The following PITRM1 variants were observed in gnomAD, a reference collection of about 807,000 sequenced individuals.
PITRM1 encodes the protein presequence protease, mitochondrial.
A neutral mutation model predicts 129.9 loss-of-function variants in PITRM1; 100 were observed. The observed-to-expected ratio is 0.77, with a 90% CI of 0.65 to 0.91. The LOEUF (loss-of-function observed/expected upper bound fraction) is 0.91. Ranked by LOEUF, PITRM1 falls within the 40% of genes least tolerant of loss-of-function variation. The pLI is 0.00. For synonymous variants in PITRM1, 591 were observed against 508.8 expected, an observed-to-expected ratio of 1.16 and a Z score of -2.17; for missense variants, 1,471 against 1,318.3, an observed-to-expected ratio of 1.12 and a Z score of -1.79.
At chr10:3,170,240 C>A (rs937624036) in intron 1 of PITRM1, 34 bp from the exon 2 acceptor site, 2 of 1,483,096 alleles carry the variant, frequency 1.3e-6, no homozygotes, top group Non-Finnish European at 1.9e-6. Flanking sequence ...AGATGAGTTG[C>A]AGGAAAAGTA....
intron 23 of PITRM1, 74 bp downstream of exon 23, chr10:3,143,315 T>C (rs1840455476): frequency 7.5e-6 from 7 of 938,938 alleles, no homozygotes; most frequent in South Asian, 5.4e-5. Context: ...AAACACGCCC[T>C]GTGAACTCGA....
At chr10:3,138,582 T>A in intron 25 of PITRM1, 1 of 602,966 alleles carries the variant, frequency 1.7e-6, no homozygotes, top group East Asian at 2.8e-5. Context: ...AGGCTGATGA[T>A]GCTGTGAGCA....
In PITRM1 at chr10:3,160,469, A is replaced by T. The variant is rs567494655; in HGVS notation, c.792-139T>A. On this transcript the variant is annotated intron_variant, in intron 7 of 26. Transcript: ENST00000224949. ...TTTCGGTTTCAGTCACCCTTACTCA[A>T]CCAAGGTCCAAAAATATCACGGTAC... 11 of 653,016 alleles carry T rather than the reference A, an allele frequency of 1.7e-5. No homozygotes were observed. The Admixed American group carries it at 2.0e-4, about 12-fold the overall frequency. 40.5% of individuals were successfully genotyped at this position (653,016 alleles called of 1,614,324 possible). A position where few individuals can be genotyped will look rare whatever the true frequency, so the allele number is the denominator to read the frequency against.
rs1382765168 is a variant in PITRM1 at position 3,138,341 on chromosome 10, G to A, written c.2918-4C>T. The A allele has an allele frequency of 2.5e-6, 4 of 1,607,984 alleles. No individual in the cohort carries two copies. Among genetic ancestry groups the A allele is most frequent in the African/African-American group, 1.3e-5 (1 of 74,924 alleles). Reference sequence around the variant, plus strand: ...CCGTACAAGAAGTGGTCCATTCCTAGAAGACAATCCACAGGCACGATGGAG... The same window carrying A: ...CCGTACAAGAAGTGGTCCATTCCTAAAAGACAATCCACAGGCACGATGGAG... On this transcript the variant is annotated splice_polypyrimidine_tract_variant and splice_region_variant and intron_variant, in intron 25 of 26. Coordinates refer to ENST00000224949, the MANE Select transcript of PITRM1 (RefSeq NM_014889.4).
intron 2 of PITRM1, among the ~76,000 whole-genome samples, 188 bp downstream of exon 2, chr10:3,169,916 G>T (rs905975729): frequency 6.6e-6 from 1 of 152,220 alleles, no homozygotes. Context: ...TCCAGGAAGG[G>T]ACTGGGGCTC....
chr10:3,165,978 G>A (rs1480362956), intron 4 of PITRM1, among the ~76,000 whole-genome samples: 1 of 152,170 alleles, frequency 6.6e-6, no homozygotes, highest in Non-Finnish European at 1.5e-5. Flanking sequence ...ATATCTCCAA[G>A]AGAAAATTGT....
At position 3,157,467 on chromosome 10, in the gene PITRM1, G is replaced by A; in HGVS notation, c.1315C>T (p.Gln439Ter). ...AGCATCAGCCCAAAGCTGGTAGACTGATGTTTCATCTGTATTTCAATTTTA... is the reference window on the plus strand; with the variant it reads ...AGCATCAGCCCAAAGCTGGTAGACTAATGTTTCATCTGTATTTCAATTTTA... The part of the protein sequence containing the change: ...LHKIEIQMKH[Q>*]STSFGLMLTS... Residue 439 changes from glutamine to a stop codon, truncating the protein, a stop_gained, in exon 12 of 27, where the codon CAG becomes TAG. Transcript: ENST00000224949. LOFTEE classifies it high-confidence loss of function. 6.2e-7 allele frequency: 1 copy of A among 1,610,796 alleles called. No individual in the cohort carries two copies. Among genetic ancestry groups the A allele is most frequent in the Non-Finnish European group, 8.5e-7 (1 of 1,178,168 alleles).
At chr10:3,171,816 A>C (rs1393457523) in intron 1 of PITRM1, among the ~76,000 whole-genome samples, 1 of 152,146 alleles carries the variant, frequency 6.6e-6, no homozygotes, top group Non-Finnish European at 1.5e-5. Flanking sequence ...GAGGAGGGGG[A>C]TCAAACCAGC....
chr10:3,155,864 A>C, intron 13 of PITRM1, 135 bp from the exon 14 acceptor site: 1 of 965,972 alleles, frequency 1.0e-6, no homozygotes, highest in Non-Finnish European at 1.5e-6. Context: ...TAATAATAGA[A>C]CGCACCTCAA....
At chr10:3,166,493 C>T in intron 3 of PITRM1, 113 bp from the exon 4 acceptor site, 1 of 481,572 alleles carries the variant, frequency 2.1e-6, no homozygotes, top group South Asian at 3.5e-5. Context: ...ACACCACAAT[C>T]CTCCAGCACA....
At chr10:3,148,361 T>C in intron 16 of PITRM1, 70 bp from the exon 17 acceptor site, 1 of 1,509,768 alleles carries the variant, frequency 6.6e-7, no homozygotes, top group East Asian at 2.3e-5. Flanking sequence ...AAATCGTGCA[T>C]CTTGAGTTAC....
At chr10:3,155,877 G>A (rs1841936676) in intron 13 of PITRM1, 148 bp from the exon 14 acceptor site, 1 of 887,052 alleles carries the variant, frequency 1.1e-6, no homozygotes. Flanking sequence ...CACCTCAAGA[G>A]TTGTTTTGCT....
At chr10:3,171,182 A>AAAAAAAAAAAAAAAAAAAAT (rs1843322967) in intron 1 of PITRM1, among the ~76,000 whole-genome samples, 2 of 147,238 alleles carry the variant, frequency 1.4e-5, no homozygotes, top group Admixed American at 6.8e-5. Flanking sequence ...AAAAAAAAAA[A>AAAAAAAAAAAAAAAAAAAAT]AACCTTACCA....
chr10:3,162,540 G>A (rs183324937), intron 7 of PITRM1, among the ~76,000 whole-genome samples: 2 of 152,340 alleles, frequency 1.3e-5, no homozygotes, highest in East Asian at 3.9e-4. Flanking sequence ...CAAGGCAGTG[G>A]CTGACTCTCA....
At chr10:3,145,242 C>T (rs1840729416) in intron 21 of PITRM1, 1 of 236,334 alleles carries the variant, frequency 4.2e-6, no homozygotes, top group Admixed American at 5.1e-5. Context: ...ATGTCAAATC[C>T]ATGGATTCAT....
intron 20 of PITRM1, chr10:3,146,891 C>A: frequency 3.7e-6 from 1 of 273,122 alleles, no homozygotes; most frequent in Non-Finnish European, 6.9e-6. Flanking sequence ...GGACCATGTG[C>A]TTTTGGAAGC....
chr10:3,171,992 A>G (rs1843409006), intron 1 of PITRM1, among the ~76,000 whole-genome samples: 1 of 152,264 alleles, frequency 6.6e-6, no homozygotes, highest in African/African-American at 2.4e-5. Context: ...CACTGGCAAT[A>G]TTATGAAGAT....
chr10:3,166,859 C>A, intron 3 of PITRM1, 77 bp downstream of exon 3: 1 of 829,930 alleles, frequency 1.2e-6, no homozygotes, highest in Admixed American at 2.6e-5. Context: ...CATTGTGGCA[C>A]AGGGAAGCCA....
intron 22 of PITRM1, chr10:3,143,951 G>A: frequency 5.8e-6 from 3 of 517,664 alleles, no homozygotes; most frequent in Non-Finnish European, 1.1e-5. Context: ...CGCTCCACTG[G>A]CATCGACTCA....
Sources: gnomAD v4.1 joint callset for allele counts (sites outside exome capture counted in the v4.1 genomes callset) on GRCh38, gnomAD v4.1.1 for gene constraint, MANE v1.5 for transcripts, NCBI Gene and HGNC (gene_info 2026-07-23, HGNC 2026-07-21) for gene names.